The following MICAL2 variants were observed in gnomAD, a reference collection of about 807,000 sequenced individuals.
MICAL2 encodes the protein microtubule associated monooxygenase, calponin and LIM domain containing 2.
A neutral mutation model predicts 127.3 loss-of-function variants in MICAL2; 77 were observed. The observed-to-expected ratio is 0.60, with a 90% CI of 0.50 to 0.73. The LOEUF (loss-of-function observed/expected upper bound fraction) is 0.73. Ranked by LOEUF, MICAL2 falls within the 30% of genes least tolerant of loss-of-function variation. The pLI is 0.00. For synonymous variants in MICAL2, 570 were observed against 551.1 expected (o/e 1.03, Z -0.48); for missense variants, 1,351 against 1,434.4 (o/e 0.94, Z 0.94).
chr11:12,226,099 C>T, intron 13 of MICAL2, 72 bp from the exon 14 acceptor site: 1 of 1,469,780 alleles, frequency 6.8e-7, no homozygotes, highest in East Asian at 2.3e-5. Context: ...CTCCTTACCA[C>T]CTGAAGGTGC....
chr11:12,289,367 G>A (rs1170736036), downstream of MICAL2, among the ~76,000 whole-genome samples: 2 of 152,246 alleles, frequency 1.3e-5, no homozygotes, highest in Non-Finnish European at 2.9e-5. Flanking sequence ...CCAATGAGGA[G>A]CTCTTGGCTC....
At chr11:12,337,197 G>C (rs562599661) in intron 32 of MICAL2, among the ~76,000 whole-genome samples, 5 of 152,020 alleles carry the variant, frequency 3.3e-5, no homozygotes, top group African/African-American at 7.2e-5. Flanking sequence ...TGTATGTGTC[G>C]AGGAATTTAT....
At chr11:12,153,031 T>TTTTG (rs552422723) in intron 2 of MICAL2, among the ~76,000 whole-genome samples, 46 of 152,168 alleles carry the variant, frequency 3.0e-4, no homozygotes, top group African/African-American at 1.1e-3. Context: ...TTAACCTTTT[T>TTTTG]TTTGTTTGTT....
intron 3 of MICAL2, among the ~76,000 whole-genome samples, chr11:12,186,660 A>G (rs1049144954): frequency 5.3e-5 from 8 of 152,208 alleles, no homozygotes; most frequent in Admixed American, 4.6e-4. Flanking sequence ...AACAAGGACA[A>G]TAGGAGAGAT....
At chr11:12,332,759 A>C (rs2134864741) in intron 32 of MICAL2, among the ~76,000 whole-genome samples, 1 of 152,334 alleles carries the variant, frequency 6.6e-6, no homozygotes, top group East Asian at 1.9e-4. Flanking sequence ...AGCAAGCAGT[A>C]AATGAGCCAA....
At chr11:12,309,455 T>G (rs1233407209) in intron 29 of MICAL2, among the ~76,000 whole-genome samples, 1 of 152,194 alleles carries the variant, frequency 6.6e-6, no homozygotes, top group Non-Finnish European at 1.5e-5. Context: ...GCCTGGTTTA[T>G]TTCACTTAAC....
chr11:12,282,980 T>C (rs565605586), intron 2 of MICAL2, among the ~76,000 whole-genome samples: 1 of 152,348 alleles, frequency 6.6e-6, no homozygotes, highest in East Asian at 1.9e-4. Context: ...CAAAGCATTT[T>C]GTTTCTGACA....
Position 12,256,989 on chromosome 11 carries a change from G to A in MICAL2, c.3142+18G>A. Reference sequence around the variant, plus strand: ...CGATGAAGGTAACCCCAGGGGCCAGGGCAGCACTGGGCTCTGGCCTTGGCC... The same window carrying A: ...CGATGAAGGTAACCCCAGGGGCCAGAGCAGCACTGGGCTCTGGCCTTGGCC... On this transcript the variant is annotated intron_variant, in intron 24 of 27. Coordinates refer to ENST00000683283, the MANE Select transcript of MICAL2 (RefSeq NM_001282663.2). The A allele has an allele frequency of 6.2e-7, 1 of 1,600,502 alleles. No individual in the cohort carries two copies. Among genetic ancestry groups the A allele is most frequent in the Non-Finnish European group, 8.5e-7 (1 of 1,173,034 alleles).
chr11:12,224,820 T>G lies in MICAL2; in HGVS notation c.1688T>G (p.Ile563Ser). ...AIIHRFRPEL[I>S]NFDSLNEDDA... ...ATCCACCGCTTCCGGCCTGAGCTCATGTGAGTCTGGGGCCCAGGCTGGCCC... is the reference window on the plus strand; with the variant it reads ...ATCCACCGCTTCCGGCCTGAGCTCAGGTGAGTCTGGGGCCCAGGCTGGCCC... The change falls in exon 13 of 28, where the codon ATC becomes AGC. Residue 563 changes from isoleucine to serine, a missense_variant and splice_region_variant. Coordinates refer to ENST00000683283, the MANE Select transcript of MICAL2 (RefSeq NM_001282663.2). 1 of 1,609,196 alleles carries G rather than the reference T, an allele frequency of 6.2e-7. No individual in the cohort carries two copies.
Position 12,354,172 on chromosome 11 carries a change from C to A in MICAL2, c.5616-612C>A, listed in dbSNP as rs368281151. On this transcript the variant is annotated intron_variant, in intron 33 of 34. Transcript: ENST00000646065. Reference sequence around the variant, plus strand: ...TTCAGAGATCCCAGCAGTAGCAGAACCTTCAGTTTAAAGACAGGCTAAGGC... The same window carrying A: ...TTCAGAGATCCCAGCAGTAGCAGAAACTTCAGTTTAAAGACAGGCTAAGGC... Among the ~76,000 whole-genome samples, 20 of 152,304 alleles carry A rather than the reference C, an allele frequency of 1.3e-4. No individual in the cohort carries two copies. The South Asian group carries it at 4.1e-3, about 32-fold the overall frequency.
intron 33 of MICAL2, among the ~76,000 whole-genome samples, chr11:12,352,162 A>G (rs1939060543): frequency 6.6e-6 from 1 of 152,226 alleles, no homozygotes; most frequent in South Asian, 2.1e-4. Context: ...CTACCTGACT[A>G]CAAAGCCCTT....
At position 12,243,976 on chromosome 11, in the gene MICAL2, G is replaced by C; in HGVS notation, c.2659-11G>C. The C allele has an allele frequency of 6.2e-7, 1 of 1,613,568 alleles. No individual in the cohort carries two copies. Among genetic ancestry groups the C allele is most frequent in the Non-Finnish European group, 8.5e-7 (1 of 1,179,544 alleles). On this transcript the variant is annotated splice_polypyrimidine_tract_variant and intron_variant, in intron 20 of 27. Coordinates refer to ENST00000683283, the MANE Select transcript of MICAL2 (RefSeq NM_001282663.2). Reference sequence around the variant, plus strand: ...GATAATCCTTGTTTCTTCTATTTCTGTTCTGTGCAGAATAAACTACTCTCT... The same window carrying C: ...GATAATCCTTGTTTCTTCTATTTCTCTTCTGTGCAGAATAAACTACTCTCT...
chr11:12,123,633 T>C (rs1850684260), intron 1 of MICAL2, among the ~76,000 whole-genome samples: 1 of 152,218 alleles, frequency 6.6e-6, no homozygotes, highest in South Asian at 2.1e-4. Flanking sequence ...CACAGCTGCA[T>C]CCCGGGAGAG....
intron 3 of MICAL2, among the ~76,000 whole-genome samples, chr11:12,163,995 T>C (rs1162821484): frequency 6.6e-6 from 1 of 152,006 alleles, no homozygotes; most frequent in African/African-American, 2.4e-5. Flanking sequence ...ACCCAACATG[T>C]TGTGGCTGCT....
chr11:12,319,020 A>G (rs1267338038), intron 29 of MICAL2, among the ~76,000 whole-genome samples: 1 of 152,246 alleles, frequency 6.6e-6, no homozygotes, highest in East Asian at 1.9e-4. Context: ...ATGTGATAAC[A>G]TCTGCAAGTT....
chr11:12,331,068 G>A (rs1049300986), intron 32 of MICAL2, among the ~76,000 whole-genome samples: 1 of 152,064 alleles, frequency 6.6e-6, no homozygotes, highest in Non-Finnish European at 1.5e-5. Flanking sequence ...CTGGAAAGAG[G>A]CCAAGCCCAG....
chr11:12,228,700 G>A (rs923992695), intron 15 of MICAL2, among the ~76,000 whole-genome samples: 3 of 152,180 alleles, frequency 2.0e-5, no homozygotes, highest in Non-Finnish European at 4.4e-5. Context: ...GGAGGAGAGC[G>A]CTTCTACGGG....
At chr11:12,271,355 G>A (rs1319989336), upstream of MICAL2, among the ~76,000 whole-genome samples, 1 of 152,186 alleles carries the variant, frequency 6.6e-6, no homozygotes, top group Non-Finnish European at 1.5e-5. Flanking sequence ...CCAGCCTCAG[G>A]GAGACAGCAA....
intron 29 of MICAL2, among the ~76,000 whole-genome samples, chr11:12,310,197 G>A (rs12808766): frequency 0.4 from 60,950 of 151,856 alleles, 14,901 homozygotes; most frequent in Non-Finnish European, 0.55. Context: ...TCAATAGCCT[G>A]TTTTTGCTTT....
Sources: allele counts gnomAD v4.1 joint callset (sites outside exome capture counted in the v4.1 genomes callset), GRCh38; gene constraint gnomAD v4.1.1; transcripts MANE v1.5; gene names NCBI Gene and HGNC (gene_info 2026-07-23, HGNC 2026-07-21).